Variants in DMD observed in about 807,000 individuals in gnomAD.
DMD encodes the protein dystrophin.
DMD carries 63 observed loss-of-function variants against 330.1 expected under a neutral mutation model. The ratio of observed to expected loss-of-function variants is 0.19; its 90% CI spans 0.16 to 0.24. DMD has a LOEUF of 0.24. DMD is among the 10% of genes least tolerant of loss of function. The pLI, the probability that DMD is intolerant of heterozygous loss-of-function variation, is 1.00. For missense variants in DMD, 3,344 were observed against 2,684.1 expected, an observed-to-expected ratio of 1.25 and a Z score of -5.43; for synonymous variants, 1,223 against 959.8, an observed-to-expected ratio of 1.27 and a Z score of -5.07.
At position 32,441,212 on chromosome X, in the gene DMD, C is replaced by A. The variant is rs941573844; in HGVS notation, c.3889G>T (p.Gly1297Cys). 2.7e-5 allele frequency: 33 copies of A among 1,207,416 alleles called. No homozygotes were observed. The highest frequency in any genetic ancestry group is 3.6e-5 in the Non-Finnish European group (32 of 893,338). The change falls in exon 28 of 79, where the codon GGC becomes TGC. Residue 1297 changes from glycine to cysteine, a missense_variant. By Grantham distance (159) the Gly-to-Cys change is radical (BLOSUM62 -3). Coordinates refer to ENST00000357033, the MANE Select transcript of DMD (RefSeq NM_004006.3). ...FKLKTTENIP[G>C]GAEEISEVLD... ...ACCTCAGAGATTTCCTCAGCTCCGC[C>A]AGGAATGTTTTCAGTGGTTTTAAGT... is the stretch of plus-strand genomic sequence containing the variant.
intron 21 of DMD, among the ~76,000 whole-genome samples, chrX:32,481,973 C>A (rs889843850): frequency 9.0e-6 from 1 of 111,550 alleles, no homozygotes; most frequent in Admixed American, 9.6e-5. Flanking sequence ...AGAAGAGAAT[C>A]ATTTTGAAAC....
Position 31,323,138 on chromosome X carries a change from C to T in DMD, c.9224+460G>A, listed in dbSNP as rs749485212. On this transcript the variant is annotated intron_variant, in intron 62 of 78. Coordinates refer to ENST00000357033, the MANE Select transcript of DMD (RefSeq NM_004006.3). Reference sequence around the variant, plus strand: ...ATCAAGAATGAACAACTAAGCCCTACGAGTCGAGGACTGCTGCTTTCTGCC... The same window carrying T: ...ATCAAGAATGAACAACTAAGCCCTATGAGTCGAGGACTGCTGCTTTCTGCC... Among the ~76,000 whole-genome samples, 9 of 112,055 alleles carry T rather than the reference C, an allele frequency of 8.0e-5. No homozygotes were observed. The South Asian group carries it at 2.3e-3, about 28-fold the overall frequency.
intron 7 of DMD, among the ~76,000 whole-genome samples, chrX:32,789,011 G>A (rs1308002073): frequency 9.0e-6 from 1 of 111,565 alleles, no homozygotes; most frequent in Non-Finnish European, 1.9e-5. Flanking sequence ...AAAGAGTCAG[G>A]GATCACCTCT....
chrX:32,132,993 C>CTTTTTTTTTTTTTTTTT (rs377615262), intron 44 of DMD, among the ~76,000 whole-genome samples: 7 of 75,975 alleles, frequency 9.2e-5, no homozygotes, highest in Admixed American at 5.0e-4. Context: ...CTTTTCTTTT[C>CTTTTTTTTTTTTTTTTT]TTTTTTTTTT....
chrX:31,740,967 T>C (rs1188035675), intron 51 of DMD, among the ~76,000 whole-genome samples: 1 of 112,207 alleles, frequency 8.9e-6, no homozygotes, highest in Non-Finnish European at 1.9e-5. Flanking sequence ...TTATGGAATA[T>C]TCTAAATCCT....
chrX:32,873,075 T>G (rs752247607), intron 2 of DMD, among the ~76,000 whole-genome samples: 3 of 111,373 alleles, frequency 2.7e-5, no homozygotes, highest in South Asian at 7.6e-4. Flanking sequence ...TTACCCAGCC[T>G]CCGATTCTTT....
At chrX:32,109,781 C>T (rs1229266159) in intron 44 of DMD, among the ~76,000 whole-genome samples, 4 of 111,608 alleles carry the variant, frequency 3.6e-5, no homozygotes, top group South Asian at 3.7e-4. Flanking sequence ...CATAAAAGAG[C>T]GGTGTAATTT....
chrX:32,650,723 C>T (rs1432073461), intron 9 of DMD, among the ~76,000 whole-genome samples: 1 of 111,767 alleles, frequency 8.9e-6, no homozygotes, highest in East Asian at 2.8e-4. Context: ...ATAGATAGGG[C>T]CTGAAATTGA....
chrX:31,736,289 C>A, intron 51 of DMD, among the ~76,000 whole-genome samples: 2 of 111,832 alleles, frequency 1.8e-5, no homozygotes, highest in East Asian at 5.6e-4. Flanking sequence ...AAAAGCTGAA[C>A]AGGACAGTTA....
Position 32,218,661 on chromosome X carries a change from T to C in DMD, c.6291-1598A>G, listed in dbSNP as rs1285681504. Among the ~76,000 whole-genome samples the C allele has an allele frequency of 3.6e-5, 4 of 112,196 alleles. No individual in the cohort carries two copies. In the East Asian group the frequency reaches 1.1e-3, roughly 31 times the overall value. On this transcript the variant is annotated intron_variant, in intron 43 of 78. Transcript: ENST00000357033. ...TTACTAATAGCCAGGCACCGGGCTC[T>C]GTGCTTTTATAGTGCCAGACACATC...
rs1391434055 is a variant in DMD at position 32,868,409 on chromosome X, C to A, written c.94-18589G>T. Among the ~76,000 whole-genome samples, 2 of 111,240 alleles carry A rather than the reference C, an allele frequency of 1.8e-5. 1 individual carries two copies. The highest frequency in any genetic ancestry group is 6.6e-5 in the African/African-American group (2 of 30,518). On this transcript the variant is annotated intron_variant, in intron 2 of 78. Coordinates refer to ENST00000357033, the MANE Select transcript of DMD (RefSeq NM_004006.3). ...ATGACTGAGCTCTCCCGGGGAGGGG[C>A]GGCATCTAAGAGAACTGCCACCTAA...
chrX:32,119,172 A>C (rs751286761), intron 44 of DMD, among the ~76,000 whole-genome samples: 12 of 110,484 alleles, frequency 1.1e-4, no homozygotes, highest in African/African-American at 4.0e-4. Flanking sequence ...TCTACTAAAA[A>C]TGCAAAACTT....
At chrX:32,034,461 T>C (rs1352057956) in intron 44 of DMD, among the ~76,000 whole-genome samples, 5 of 111,928 alleles carry the variant, frequency 4.5e-5, no homozygotes, top group African/African-American at 1.6e-4. Flanking sequence ...ACTATATTTT[T>C]CACTGAGAAA....
At chrX:31,463,381 GAAAA>G (rs2066654217) in intron 59 of DMD, among the ~76,000 whole-genome samples, 2 of 111,876 alleles carry the variant, frequency 1.8e-5, no homozygotes, top group Admixed American at 9.5e-5. Context: ...ATAATACCCA[GAAAA>G]CTGATTTACC....
At position 31,173,528 on chromosome X, in the gene DMD, T is replaced by C; in HGVS notation, c.10328+11A>G. Reference sequence around the variant, plus strand: ...AATCAATATTTGCCTGGCATACAACTAGTCTCATACCTGCTAGCATAATGT... The same window carrying C: ...AATCAATATTTGCCTGGCATACAACCAGTCTCATACCTGCTAGCATAATGT... On this transcript the variant is annotated intron_variant, in intron 72 of 78. Transcript: ENST00000357033. The C allele has an allele frequency of 8.3e-7, 1 of 1,206,549 alleles. No individual in the cohort carries two copies.
intron 44 of DMD, among the ~76,000 whole-genome samples, chrX:32,213,215 T>A (rs1197081795): frequency 8.9e-6 from 1 of 112,390 alleles, no homozygotes; most frequent in Non-Finnish European, 1.9e-5. Flanking sequence ...CATTACTGGC[T>A]CATGCCAAAC....
chrX:32,900,561 A>G (rs1164689532), intron 2 of DMD, among the ~76,000 whole-genome samples: 2 of 110,598 alleles, frequency 1.8e-5, no homozygotes, highest in African/African-American at 3.3e-5. Context: ...GTTAGGCTGG[A>G]CTCAAACTCC....
chrX:33,037,858 T>G (rs1397955614), intron 1 of DMD, among the ~76,000 whole-genome samples: 3 of 112,270 alleles, frequency 2.7e-5, no homozygotes, highest in African/African-American at 9.7e-5. Flanking sequence ...TATGTTTGTT[T>G]TATAGAAGTT....
chrX:33,166,530 A>G (rs2049062160), intron 1 of DMD, among the ~76,000 whole-genome samples: 1 of 111,262 alleles, frequency 9.0e-6, no homozygotes, highest in South Asian at 3.7e-4. Flanking sequence ...TGATTTGTAA[A>G]GTTTTCAGAT....
Sources: gnomAD v4.1 joint callset for allele counts (sites outside exome capture counted in the v4.1 genomes callset) on GRCh38, gnomAD v4.1.1 for gene constraint, MANE v1.5 for transcripts, NCBI Gene and HGNC (gene_info 2026-07-23, HGNC 2026-07-21) for gene names.